Variants in SLC5A10 observed in about 807,000 individuals in gnomAD.
SLC5A10 encodes solute carrier family 5 member 10.
A neutral mutation model predicts 68.9 loss-of-function variants in SLC5A10; 55 were observed. The observed-to-expected ratio is 0.80, with a 90% CI of 0.64 to 1.00. The LOEUF is 1.00. SLC5A10 is among the 50% of genes least tolerant of loss of function. The pLI, the probability that SLC5A10 is intolerant of heterozygous loss-of-function variation, is 0.00. For synonymous variants in SLC5A10, 344 were observed against 344.8 expected (o/e 1.00, Z 0.02); for missense variants, 732 against 819.3 (o/e 0.89, Z 1.30).
At chr17:19,013,295 G>T in intron 9 of SLC5A10, 115 bp from the exon 10 acceptor site, 1 of 1,526,444 alleles carries the variant, frequency 6.6e-7, no homozygotes, top group Non-Finnish European at 8.8e-7. Context: ...ATGGTAACAG[G>T]TCAGAGGCAT....
Position 19,021,853 on chromosome 17 carries a change from G to A in SLC5A10, c.*1422G>A, listed in dbSNP as rs759344407. 14 of 1,221,810 alleles carry A rather than the reference G, an allele frequency of 1.1e-5. No individual in the cohort carries two copies. Among genetic ancestry groups the A allele is most frequent in the African/African-American group, 1.6e-5 (1 of 63,448 alleles). 75.7% of individuals were successfully genotyped at this position (1,221,810 alleles called of 1,614,324 possible). A position where few individuals can be genotyped will look rare whatever the true frequency, so the allele number is the denominator to read the frequency against. ...AGGAGCCCACGTTCAGTCCAAGGCC[G>A]TCCACTGAGCCCCGTGTGACTCTGA... On this transcript the variant is annotated 3_prime_UTR_variant, in exon 15 of 15. Coordinates refer to ENST00000395645, the MANE Select transcript of SLC5A10 (RefSeq NM_001042450.4). The surrounding 1 kb of genome is among the most constrained non-coding windows in gnomAD (Gnocchi z 4.1).
intron 1 of SLC5A10, among the ~76,000 whole-genome samples, chr17:18,957,469 TA>T (rs1899052751): frequency 6.7e-6 from 1 of 149,808 alleles, no homozygotes; most frequent in Non-Finnish European, 1.5e-5. Flanking sequence ...TATTTTATTT[TA>T]TTTTATTTAT....
At chr17:18,954,861 A>T (rs1433345393) in intron 1 of SLC5A10, among the ~76,000 whole-genome samples, 1 of 152,088 alleles carries the variant, frequency 6.6e-6, no homozygotes, top group African/African-American at 2.4e-5. Context: ...TCACGAGGTC[A>T]GGAGTTTGAG....
At chr17:19,013,272 G>A (rs1170974806) in intron 9 of SLC5A10, 138 bp from the exon 10 acceptor site, 1 of 1,411,048 alleles carries the variant, frequency 7.1e-7, no homozygotes, top group Non-Finnish European at 9.5e-7. Flanking sequence ...GTGAAACTGA[G>A]GCCCAAGGCC....
At chr17:18,970,862 C>T (rs1567784504) in intron 7 of SLC5A10, 151 bp from the exon 8 acceptor site, 3 of 661,546 alleles carry the variant, frequency 4.5e-6, no homozygotes, top group Non-Finnish European at 7.9e-6. Flanking sequence ...CCTCTACCCT[C>T]ACACCTTTCC....
chr17:19,004,736 A>C lies in SLC5A10; in HGVS notation c.983-8674A>C, dbSNP rs954338721. The stretch of plus-strand genomic sequence containing the variant: ...AGCGGGCGCTGGCGGAGCGGGGCGC[A>C]CACGCGGCGGCTGCGGCGGCGGCGC... On this transcript the variant is annotated intron_variant, in intron 9 of 14. Transcript: ENST00000395645. This position sits in a 1 kb window ranked among gnomAD's most constrained non-coding sequence, Gnocchi z 5.4. 3 of 150,178 alleles carry C rather than the reference A, an allele frequency of 2.0e-5. No homozygotes were observed. The highest frequency in any genetic ancestry group is 7.3e-5 in the African/African-American group (3 of 41,072). 9.3% of individuals were successfully genotyped at this position (150,178 alleles called of 1,614,324 possible). A position where few individuals can be genotyped will look rare whatever the true frequency, so the allele number is the denominator to read the frequency against.
intron 9 of SLC5A10, among the ~76,000 whole-genome samples, chr17:18,981,131 G>A (rs1263268443): frequency 6.6e-6 from 1 of 152,216 alleles, no homozygotes; most frequent in African/African-American, 2.4e-5. Context: ...AGGTGAAGGG[G>A]AGGCTGAGGG....
intron 8 of SLC5A10, chr17:18,976,413 G>A: frequency 6.4e-6 from 1 of 156,740 alleles, no homozygotes; most frequent in Non-Finnish European, 1.4e-5. Flanking sequence ...TAAAGCACCT[G>A]AACTCTGCCA....
At chr17:18,988,378 C>A (rs2152129499) in intron 9 of SLC5A10, 1 of 1,614,208 alleles carries the variant, frequency 6.2e-7, no homozygotes, top group East Asian at 2.2e-5. Flanking sequence ...TTGAAGATGT[C>A]CACGTCGGTG....
chr17:18,972,631 C>T (rs907815145), intron 8 of SLC5A10, among the ~76,000 whole-genome samples: 1 of 152,128 alleles, frequency 6.6e-6, no homozygotes, highest in Non-Finnish European at 1.5e-5. Flanking sequence ...GGGAGGCTGA[C>T]ATGGGCGGAT....
intron 5 of SLC5A10, among the ~76,000 whole-genome samples, chr17:18,965,293 G>A (rs1214561420): frequency 6.6e-6 from 1 of 152,112 alleles, no homozygotes; most frequent in East Asian, 1.9e-4. Context: ...GGGGAGCCCC[G>A]GAGGACGGTG....
At chr17:18,952,597 TG>T (rs2042391664) in intron 1 of SLC5A10, 1 of 327,430 alleles carries the variant, frequency 3.1e-6, no homozygotes, top group Non-Finnish European at 5.7e-6. Context: ...CTGGAGTCCT[TG>T]GGTGTGGCCC....
intron 5 of SLC5A10, among the ~76,000 whole-genome samples, chr17:18,964,733 T>A (rs367729866): frequency 1.6e-4 from 24 of 151,816 alleles, no homozygotes; most frequent in African/African-American, 5.8e-4. Context: ...GCTGGGGGTG[T>A]CTAGGGATAT....
intron 13 of SLC5A10, 71 bp downstream of exon 13, chr17:19,019,999 C>A (rs1215101934): frequency 1.5e-5 from 22 of 1,488,804 alleles, no homozygotes; most frequent in Non-Finnish European, 1.9e-5. Flanking sequence ...CATCCCCGAC[C>A]CACTCTGACT....
chr17:19,016,294 C>A (rs549948107), intron 11 of SLC5A10, among the ~76,000 whole-genome samples: 2 of 152,146 alleles, frequency 1.3e-5, no homozygotes, highest in African/African-American at 2.4e-5. Context: ...TATTCATCCA[C>A]CTCAGCGGGC....
Position 18,971,666 on chromosome 17 carries a change from G to GA in SLC5A10, c.846+449dup, listed in dbSNP as rs2042858664. 6.2e-7 allele frequency: 1 copy of GA among 1,612,968 alleles called. No homozygotes were observed. Among genetic ancestry groups the GA allele is most frequent in the Non-Finnish European group, 8.5e-7 (1 of 1,179,688 alleles). On this transcript the variant is annotated intron_variant, in intron 8 of 14. Coordinates refer to ENST00000395645, the MANE Select transcript of SLC5A10 (RefSeq NM_001042450.4). This position sits in a 1 kb window ranked among gnomAD's most constrained non-coding sequence, Gnocchi z 5.5. ...AGAGCTCTGGACGCTGTCAGCAGCA[G>GA]AGCGGTACCTAGGGGGTCCTGGGAA...
upstream of SLC5A10, among the ~76,000 whole-genome samples, chr17:18,951,082 C>T (rs376587571): frequency 2.3e-3 from 355 of 152,336 alleles, 1 homozygote; most frequent in African/African-American, 8.2e-3. Flanking sequence ...GGTTTGCAGG[C>T]CAGCGTGTTC....
Position 19,003,300 on chromosome 17 carries a change from A to G in SLC5A10, c.983-10110A>G, listed in dbSNP as rs2043779145. On this transcript the variant is annotated intron_variant, in intron 9 of 14. Coordinates refer to ENST00000395645, the MANE Select transcript of SLC5A10 (RefSeq NM_001042450.4). This position sits in a 1 kb window ranked among gnomAD's most constrained non-coding sequence, Gnocchi z 4.5. ...GAGGCCCTTTGAGACGGGGCAGCCC[A>G]CTGTCACCTGCTAGGACCTGGGAAC... is the stretch of plus-strand genomic sequence containing the variant. 6.6e-6 allele frequency among the ~76,000 whole-genome samples: 1 copy of G among 151,788 alleles called. No homozygotes were observed. Among genetic ancestry groups the G allele is most frequent in the Admixed American group, 6.6e-5 (1 of 15,248 alleles).
chr17:18,982,870 C>T (rs1446926253), intron 9 of SLC5A10, among the ~76,000 whole-genome samples: 1 of 152,250 alleles, frequency 6.6e-6, no homozygotes, highest in Non-Finnish European at 1.5e-5. Context: ...CAAGGCCTTT[C>T]TTTCCACGCC....
Sources: allele counts gnomAD v4.1 joint callset (sites outside exome capture counted in the v4.1 genomes callset), GRCh38; gene constraint gnomAD v4.1.1; non-coding constraint Gnocchi (gnomAD v3.1); transcripts MANE v1.5; gene names NCBI Gene and HGNC (gene_info 2026-07-23, HGNC 2026-07-21).